The following AFF3 variants were observed in gnomAD, a reference collection of about 807,000 sequenced individuals.
AFF3 encodes the protein AF4/FMR2 family member 3.
Under a neutral mutation model 129.7 loss-of-function variants are expected in AFF3, and 32 were observed. The ratio of observed to expected loss-of-function variants is 0.25; its 90% CI spans 0.19 to 0.33. AFF3 has a LOEUF of 0.33. AFF3 is among the 10% of genes least tolerant of loss of function. The pLI is 1.00. For missense variants in AFF3, 1,373 were observed against 1,592.0 expected, an observed-to-expected ratio of 0.86 and a Z score of 2.34; for synonymous variants, 644 against 635.4, an observed-to-expected ratio of 1.01 and a Z score of -0.20.
At chr2:99,814,087 G>C (rs1188105890) in intron 8 of AFF3, among the ~76,000 whole-genome samples, 4 of 152,198 alleles carry the variant, frequency 2.6e-5, no homozygotes, top group East Asian at 3.9e-4. Flanking sequence ...AAGGGTTGAA[G>C]CTGAAGAGGC....
At chr2:100,105,342 G>T in intron 3 of AFF3, 162 bp downstream of exon 3, 1 of 1,228,958 alleles carries the variant, frequency 8.1e-7, no homozygotes, top group South Asian at 1.4e-5. Context: ...AACCGTTTAA[G>T]GTCTCTGGAG....
chr2:99,695,988 A>C lies in AFF3; in HGVS notation c.1092-23399T>G, dbSNP rs1345156811. ...AAAAGAAAAAACCAAAAAAAAAAAA[A>C]CTAAAAACAAAGCCCCAACCACTCC... On this transcript the variant is annotated intron_variant, in intron 11 of 24. Transcript: ENST00000672756. Among the ~76,000 whole-genome samples the C allele has an allele frequency of 4.7e-5, 6 of 127,112 alleles. 1 individual carries two copies. The highest frequency in any genetic ancestry group is 2.6e-4 in the South Asian group (1 of 3,900). 83.4% of individuals were successfully genotyped at this position (127,112 alleles called of 152,430 possible).
At chr2:100,047,519 C>T (rs74888560) in intron 4 of AFF3, among the ~76,000 whole-genome samples, 4,069 of 152,286 alleles carry the variant, frequency 0.027, 169 homozygotes, top group African/African-American at 0.091. Context: ...GGATAAACTC[C>T]AGACAATCTG....
At chr2:99,649,482 G>T in intron 13 of AFF3, 144 bp downstream of exon 13, 1 of 908,176 alleles carries the variant, frequency 1.1e-6, no homozygotes, top group Non-Finnish European at 1.7e-6. Flanking sequence ...ACACATGCAT[G>T]ATAAATCCAA....
intron 7 of AFF3, among the ~76,000 whole-genome samples, chr2:99,976,064 G>GCTCA (rs1364591482): frequency 6.6e-6 from 1 of 151,900 alleles, no homozygotes; most frequent in Non-Finnish European, 1.5e-5. Flanking sequence ...TTTCTACAAT[G>GCTCA]CTCACAGCAT....
chr2:99,696,013 C>T (rs1676230034), intron 11 of AFF3, among the ~76,000 whole-genome samples: 1 of 146,898 alleles, frequency 6.8e-6, no homozygotes. Context: ...CCAACCACTC[C>T]AACAGGGCTC....
chr2:100,063,014 G>C (rs1687424087), intron 4 of AFF3, among the ~76,000 whole-genome samples: 1 of 151,974 alleles, frequency 6.6e-6, no homozygotes. Context: ...ACTTTGGGAG[G>C]CCAAGGCGGG....
At chr2:99,599,339 A>T (rs1575470033) in intron 14 of AFF3, among the ~76,000 whole-genome samples, 1 of 151,930 alleles carries the variant, frequency 6.6e-6, no homozygotes, top group Non-Finnish European at 1.5e-5. Context: ...GCTCACTGCA[A>T]CCTCCGCCTC....
chr2:99,985,006 G>GA (rs1229890400), intron 7 of AFF3, among the ~76,000 whole-genome samples: 1 of 151,612 alleles, frequency 6.6e-6, no homozygotes, highest in Non-Finnish European at 1.5e-5. Context: ...ACATCAGGAG[G>GA]AAAAAAAATG....
chr2:99,920,140 A>G (rs919799842), intron 7 of AFF3, among the ~76,000 whole-genome samples: 2 of 152,094 alleles, frequency 1.3e-5, no homozygotes, highest in Non-Finnish European at 2.9e-5. Flanking sequence ...CAAAAAATGA[A>G]TAAAGAAAAT....
Position 99,592,937 on chromosome 2 carries a change from C to CA in AFF3, c.2466+257_2466+258insT, listed in dbSNP as rs1553394567. On this transcript the variant is annotated intron_variant, in intron 15 of 24. Transcript: ENST00000672756. Reference sequence around the variant, plus strand: ...GGCGACAGAGTGAGACTCCCTCCCCCCCCCCCAAAAAAAGGGATAATAATG... The same window carrying CA: ...GGCGACAGAGTGAGACTCCCTCCCCCACCCCCCAAAAAAAGGGATAATAATG... Among the ~76,000 whole-genome samples, 506 of 88,502 alleles carry CA rather than the reference C, an allele frequency of 5.7e-3. 5 individuals carry two copies. Among genetic ancestry groups the CA allele is most frequent in the Non-Finnish European group, 9.0e-3 (377 of 41,974 alleles). The allele number at this position is 88,502 out of a possible 152,430, so 58.1% of individuals were successfully genotyped here. A position where few individuals can be genotyped will look rare whatever the true frequency, so the allele number is the denominator to read the frequency against.
chr2:100,007,422 G>A lies in AFF3; in HGVS notation c.213C>T (p.Asn71=). Residue 71 remains asparagine, a synonymous_variant, in exon 6 of 25, where the codon AAC becomes AAT. Coordinates refer to ENST00000672756, the MANE Select transcript of AFF3 (RefSeq NM_001386135.1). ...TCATTTCATCATAATTGCCTAAAGT[G>A]TTCTGGATCCGGTTGGAGAGTTCAT... ...KGDELSNRIQ[N]TLGNYDEMKD... 6.2e-7 allele frequency: 1 copy of A among 1,614,126 alleles called. No individual in the cohort carries two copies. Among genetic ancestry groups the A allele is most frequent in the East Asian group, 2.2e-5 (1 of 44,884 alleles).
intron 8 of AFF3, among the ~76,000 whole-genome samples, chr2:99,822,005 T>C (rs1687724563): frequency 6.6e-6 from 1 of 152,182 alleles, no homozygotes; most frequent in Non-Finnish European, 1.5e-5. Context: ...AAGAATTTAT[T>C]CCTTCTTACA....
At chr2:99,902,913 A>T (rs2106153807) in intron 7 of AFF3, among the ~76,000 whole-genome samples, 1 of 152,290 alleles carries the variant, frequency 6.6e-6, no homozygotes, top group South Asian at 2.1e-4. Flanking sequence ...ATCCCATTTT[A>T]TCTACTAATT....
intron 4 of AFF3, among the ~76,000 whole-genome samples, chr2:100,053,809 A>G (rs1686547295): frequency 6.6e-6 from 1 of 152,200 alleles, no homozygotes; most frequent in South Asian, 2.1e-4. Context: ...CAGCAACAGC[A>G]TTAAAGGATT....
intron 7 of AFF3, among the ~76,000 whole-genome samples, chr2:99,909,973 T>G (rs1422028550): frequency 6.6e-6 from 1 of 152,150 alleles, no homozygotes; most frequent in Non-Finnish European, 1.5e-5. Flanking sequence ...CAATGTGACA[T>G]TATTTGGAGA....
intron 10 of AFF3, among the ~76,000 whole-genome samples, chr2:99,735,532 A>G (rs1680181594): frequency 6.6e-6 from 1 of 152,114 alleles, no homozygotes; most frequent in Non-Finnish European, 1.5e-5. Context: ...TCACTCTGTC[A>G]TCCAGGCTGG....
At chr2:99,658,323 G>A (rs1685934765) in intron 12 of AFF3, among the ~76,000 whole-genome samples, 1 of 152,140 alleles carries the variant, frequency 6.6e-6, no homozygotes, top group African/African-American at 2.4e-5. Flanking sequence ...TGCCTGGTGT[G>A]GGGGTGGTAA....
At chr2:99,790,730 T>C (rs371979338) in intron 8 of AFF3, among the ~76,000 whole-genome samples, 5 of 152,244 alleles carry the variant, frequency 3.3e-5, no homozygotes, top group Middle Eastern at 3.4e-3. Flanking sequence ...AAAATGTCCA[T>C]AGTCCTAAGG....
Sources: gnomAD v4.1 joint callset for allele counts (sites outside exome capture counted in the v4.1 genomes callset) on GRCh38, gnomAD v4.1.1 for gene constraint, MANE v1.5 for transcripts, NCBI Gene and HGNC (gene_info 2026-07-23, HGNC 2026-07-21) for gene names.